LRRCC1: variants seen among roughly 807,000 people sequenced by gnomAD.
The protein encoded by LRRCC1 is leucine rich repeat and coiled-coil centrosomal protein 1, also known as leucine-rich repeat and coiled-coil domain-containing protein 1.
In LRRCC1, 115 loss-of-function variants were observed where a neutral mutation model predicts 126.0. That is an observed-to-expected ratio of 0.91 (90% confidence interval 0.78 to 1.07). LRRCC1 has a LOEUF of 1.07. Among genes scored for constraint, LRRCC1 ranks in the 50% least tolerant of loss-of-function variants. LRRCC1 has a pLI of 0.00. For missense variants in LRRCC1, 1,172 were observed against 1,175.7 expected, an observed-to-expected ratio of 1.00 and a Z score of 0.05; for synonymous variants, 400 against 393.4, an observed-to-expected ratio of 1.02 and a Z score of -0.20.
chr8:85,129,823 C>G, intron 10 of LRRCC1, 96 bp from the exon 11 acceptor site: 2 of 926,130 alleles, frequency 2.2e-6, no homozygotes, highest in Non-Finnish European at 3.1e-6. Context: ...ACTTAGTCAC[C>G]GGACACTGTC....
rs984480869 is a variant in LRRCC1, at chr8:85,135,923, G to A, written c.2289G>A (p.Arg763=). The change falls in exon 14 of 19, where the codon AGG becomes AGA. Residue 763 remains arginine, a synonymous_variant. Coordinates refer to ENST00000360375, the MANE Select transcript of LRRCC1 (RefSeq NM_033402.5). The part of the protein sequence containing the change: ...AAKESLIFGL[R]TERKVWGHEL... ...AGGAATCACTAATATTTGGTTTAAG[G>A]ACAGAAAGAAAAGTATGGGGACATG... is the stretch of plus-strand genomic sequence containing the variant. The A allele has an allele frequency of 5.6e-6, 9 of 1,601,204 alleles. No individual in the cohort carries two copies. Among genetic ancestry groups the A allele is most frequent in the African/African-American group, 2.7e-5 (2 of 74,318 alleles).
Position 85,137,614 on chromosome 8 carries a change from G to A in LRRCC1, c.2480G>A (p.Arg827Lys). The change falls in exon 15 of 19, where the codon AGA becomes AAA. Residue 827 changes from arginine to lysine, a missense_variant. Transcript: ENST00000360375. ...KIIDDQTETI[R>K]KLKDCLQEKD... Reference sequence around the variant, plus strand: ...ATAGACGACCAAACTGAAACTATTAGAAAATTAAAAGATGTAAGTTTGACA... The same window carrying A: ...ATAGACGACCAAACTGAAACTATTAAAAAATTAAAAGATGTAAGTTTGACA... 2 of 1,454,740 alleles carry A rather than the reference G, an allele frequency of 1.4e-6. No homozygotes were observed. The highest frequency in any genetic ancestry group is 1.8e-6 in the Non-Finnish European group (2 of 1,104,854). 90.1% of individuals were successfully genotyped at this position (1,454,740 alleles called of 1,614,324 possible). A position where few individuals can be genotyped will look rare whatever the true frequency, so the allele number is the denominator to read the frequency against.
chr8:85,128,396 C>A (rs1810173688), intron 9 of LRRCC1, among the ~76,000 whole-genome samples: 2 of 151,774 alleles, frequency 1.3e-5, no homozygotes, highest in South Asian at 4.2e-4. Flanking sequence ...TCAATCTTTT[C>A]TGATTCTTCT....
At chr8:85,132,391 T>G (rs896206575) in intron 12 of LRRCC1, among the ~76,000 whole-genome samples, 12 of 146,900 alleles carry the variant, frequency 8.2e-5, no homozygotes. Context: ...TTTTTTTTTT[T>G]TTTTTTTTTT....
chr8:85,112,982 C>T lies in LRRCC1; in HGVS notation c.427C>T (p.His143Tyr), dbSNP rs768030898. ...IKHKLRYIDL[H>Y]SNRIDSIHHL... ...GCATAAACTTAGATATATTGATCTA[C>T]ATAGTAATCGTATAGATAGTATCCA... The change falls in exon 4 of 19, where the codon CAT (histidine) becomes TAT (tyrosine). Residue 143 changes from histidine (H) to tyrosine (Y), a missense_variant. His to Tyr is a moderately conservative substitution (Grantham distance 83). Coordinates refer to ENST00000360375, the MANE Select transcript of LRRCC1 (RefSeq NM_033402.5). The T allele has an allele frequency of 1.6e-5, 26 of 1,599,908 alleles. No homozygotes were observed. Among genetic ancestry groups the T allele is most frequent in the South Asian group, 2.2e-5 (2 of 89,298 alleles).
intron 6 of LRRCC1, among the ~76,000 whole-genome samples, chr8:85,117,920 A>G (rs1809245192): frequency 6.6e-6 from 1 of 152,120 alleles, no homozygotes; most frequent in Non-Finnish European, 1.5e-5. Context: ...GTTTTCTTTA[A>G]TGTGAAATAC....
intron 18 of LRRCC1, among the ~76,000 whole-genome samples, chr8:85,144,465 TATATATA>T (rs1563963516): frequency 2.1e-4 from 11 of 52,050 alleles, no homozygotes; most frequent in South Asian, 5.9e-4. Context: ...TATATATATA[TATATATA>T]TATTTTTTTT....
At chr8:85,125,048 G>C (rs929520723) in intron 8 of LRRCC1, 109 bp downstream of exon 8, 6 of 709,590 alleles carry the variant, frequency 8.5e-6, no homozygotes, top group Non-Finnish European at 8.9e-6. Context: ...TTTTATTGGA[G>C]TGATGAAAAT....
In LRRCC1 at chr8:85,126,745, C is replaced by T. The variant is rs576152903; in HGVS notation, c.1329C>T (p.Ala443=). Residue 443 remains alanine (A), a synonymous_variant, in exon 9 of 19, where the codon GCC becomes GCT. Transcript: ENST00000360375. ...AGAAGAGATGGAGAGCTGAGCAAGC[C>T]GAAAATAAACTCATGGATTATATTG... ...EREKRWRAEQ[A]ENKLMDYIDE... 1.2e-5 allele frequency: 20 copies of T among 1,612,368 alleles called. No individual in the cohort carries two copies. Among genetic ancestry groups the T allele is most frequent in the African/African-American group, 4.0e-5 (3 of 74,824 alleles).
intron 6 of LRRCC1, among the ~76,000 whole-genome samples, chr8:85,120,090 A>T (rs372755625): frequency 5.9e-5 from 9 of 152,248 alleles, no homozygotes; most frequent in East Asian, 1.9e-4. Context: ...TGTTCAGAGA[A>T]CATATTCTGA....
At chr8:85,127,787 G>A (rs1009173936) in intron 9 of LRRCC1, among the ~76,000 whole-genome samples, 5 of 152,174 alleles carry the variant, frequency 3.3e-5, no homozygotes, top group East Asian at 1.9e-4. Flanking sequence ...GCTGTGATGC[G>A]TTATGTTATC....
intron 11 of LRRCC1, 51 bp downstream of exon 11, chr8:85,130,109 A>C: frequency 7.2e-7 from 1 of 1,387,646 alleles, no homozygotes; most frequent in Non-Finnish European, 9.6e-7. Context: ...AAAGAAAAAG[A>C]AAGCTACTGG....
intron 4 of LRRCC1, among the ~76,000 whole-genome samples, chr8:85,113,880 C>T (rs370258988): frequency 6.6e-6 from 1 of 152,088 alleles, no homozygotes. Context: ...TCACTTATCT[C>T]ATATTGCTTA....
Position 85,145,476 on chromosome 8 carries a change from G to C in LRRCC1, c.3064G>C (p.Ala1022Pro). 1 of 1,586,850 alleles carries C rather than the reference G, an allele frequency of 6.3e-7. No homozygotes were observed. The highest frequency in any genetic ancestry group is 8.5e-7 in the Non-Finnish European group (1 of 1,171,050). The change falls in exon 19 of 19, where the codon GCT (alanine) becomes CCT (proline). Residue 1022 changes from alanine to proline, a missense_variant. By Grantham distance (27) the Ala-to-Pro change is conservative (BLOSUM62 -1). Coordinates refer to ENST00000360375, the MANE Select transcript of LRRCC1 (RefSeq NM_033402.5). ...KTMEAKIKQL[A>P]FALNEIQQDM ...AATGGAAGCAAAAATTAAGCAACTT[G>C]CTTTTGCTTTAAATGAAATTCAGCA...
At chr8:85,115,616 GT>G in intron 6 of LRRCC1, 32 bp downstream of exon 6, 1 of 1,395,042 alleles carries the variant, frequency 7.2e-7, no homozygotes, top group Non-Finnish European at 1.0e-6. Flanking sequence ...CTATAGACAT[GT>G]TTATTGAAGA....
At chr8:85,138,581 G>A in intron 17 of LRRCC1, 106 bp downstream of exon 17, 1 of 1,158,072 alleles carries the variant, frequency 8.6e-7, no homozygotes, top group South Asian at 1.6e-5. Flanking sequence ...GTAAGACATA[G>A]TTATTTGCCA....
chr8:85,111,269 C>T (rs2135916224), intron 3 of LRRCC1, among the ~76,000 whole-genome samples: 1 of 152,230 alleles, frequency 6.6e-6, no homozygotes, highest in Non-Finnish European at 1.5e-5. Flanking sequence ...CCCAGCTACT[C>T]AGGAGGCTGA....
In LRRCC1 at chr8:85,131,953, T is replaced by C. The variant is rs778037614; in HGVS notation, c.1960T>C (p.Phe654Leu). The change falls in exon 12 of 19, where the codon TTT (phenylalanine) becomes CTT (leucine). Residue 654 changes from phenylalanine (F) to leucine (L), a missense_variant. Coordinates refer to ENST00000360375, the MANE Select transcript of LRRCC1 (RefSeq NM_033402.5). ...TGCTTTAACTGTTGAAGCCAGAAGA[T>C]TTCAAGATGTAAGAATTGGCACCCA... ...RIALTVEARR[F>L]QDVKDGFENV... The C allele has an allele frequency of 6.2e-7, 1 of 1,608,508 alleles. No homozygotes were observed. Among genetic ancestry groups the C allele is most frequent in the South Asian group, 1.1e-5 (1 of 89,402 alleles).
At chr8:85,120,697 A>G (rs1304161112) in intron 6 of LRRCC1, among the ~76,000 whole-genome samples, 2 of 152,208 alleles carry the variant, frequency 1.3e-5, no homozygotes, top group African/African-American at 4.8e-5. Flanking sequence ...TATAAATGAA[A>G]TCATAATATT....
Sources: allele counts gnomAD v4.1 joint callset (sites outside exome capture counted in the v4.1 genomes callset), GRCh38; gene constraint gnomAD v4.1.1; transcripts MANE v1.5; gene names NCBI Gene and HGNC (gene_info 2026-07-23, HGNC 2026-07-21).